Variants in DPP10 observed in about 807,000 individuals in gnomAD.
DPP10 encodes the protein inactive dipeptidyl peptidase 10.
In DPP10, 33 loss-of-function variants were observed where a neutral mutation model predicts 120.9. That is an observed-to-expected ratio of 0.27 (90% confidence interval 0.21 to 0.37). The LOEUF (loss-of-function observed/expected upper bound fraction) is 0.37. DPP10 is among the 10% of genes least tolerant of loss of function. DPP10 has a pLI of 1.00. For missense variants in DPP10, 816 were observed against 942.8 expected (o/e 0.87, Z 1.76); for synonymous variants, 337 against 326.1 (o/e 1.03, Z -0.36).
chr2:115,113,189 T>C (rs2049320136), intron 1 of DPP10, among the ~76,000 whole-genome samples: 1 of 151,116 alleles, frequency 6.6e-6, no homozygotes, highest in Non-Finnish European at 1.5e-5. Flanking sequence ...ACATACAATA[T>C]ATGCTGTATT....
chr2:115,621,308 T>A (rs1285890135), intron 5 of DPP10, among the ~76,000 whole-genome samples: 1 of 152,230 alleles, frequency 6.6e-6, no homozygotes, highest in South Asian at 2.1e-4. Flanking sequence ...ATCCTTCTAT[T>A]ATAAAATATT....
intron 3 of DPP10, among the ~76,000 whole-genome samples, chr2:115,478,742 G>A (rs2075247450): frequency 6.6e-6 from 1 of 151,922 alleles, no homozygotes; most frequent in Admixed American, 6.6e-5. Flanking sequence ...ATAGACAAAG[G>A]AGTTACATGA....
intron 1 of DPP10, among the ~76,000 whole-genome samples, chr2:114,737,989 G>T (rs1238251263): frequency 6.6e-6 from 1 of 152,210 alleles, no homozygotes; most frequent in African/African-American, 2.4e-5. Flanking sequence ...AAGTATGGCT[G>T]GGAAGCCTTA....
At chr2:115,601,569 G>A (rs1042981143) in intron 5 of DPP10, among the ~76,000 whole-genome samples, 8 of 152,120 alleles carry the variant, frequency 5.3e-5, no homozygotes, top group Non-Finnish European at 1.2e-4. Context: ...CCCTATTAAA[G>A]ACTAATCTTT....
At chr2:114,516,558 T>C (rs1288521122) in intron 1 of DPP10, among the ~76,000 whole-genome samples, 1 of 152,250 alleles carries the variant, frequency 6.6e-6, no homozygotes, top group African/African-American at 2.4e-5. Context: ...GGAAAATATG[T>C]CTACTAGGAG....
chr2:115,603,379 A>G (rs946181200), intron 5 of DPP10, among the ~76,000 whole-genome samples: 9 of 120,210 alleles, frequency 7.5e-5, no homozygotes, highest in African/African-American at 2.6e-4. Flanking sequence ...TCTAGTCTTC[A>G]TGACAGTGGC....
At chr2:115,396,139 G>T (rs1472238575) in intron 3 of DPP10, among the ~76,000 whole-genome samples, 1 of 152,170 alleles carries the variant, frequency 6.6e-6, no homozygotes, top group Admixed American at 6.5e-5. Flanking sequence ...CATGAGGATG[G>T]CTGCACATCT....
rs181656312 is a variant in DPP10 at position 115,793,650 on chromosome 2, C to T, written c.1700+2294C>T. Among the ~76,000 whole-genome samples, 350 of 151,948 alleles carry T rather than the reference C, an allele frequency of 2.3e-3. 2 individuals carry two copies. The highest frequency in any genetic ancestry group is 7.1e-3 in the Admixed American group (108 of 15,248). ...AAATAGATAAAATAGTGCCGTCAGA[C>T]CCATGGAATTTACTTTGCTACTTTT... On this transcript the variant is annotated intron_variant, in intron 19 of 25. Transcript: ENST00000410059.
At chr2:115,018,358 G>T (rs1702822236) in intron 1 of DPP10, among the ~76,000 whole-genome samples, 2 of 152,108 alleles carry the variant, frequency 1.3e-5, no homozygotes, top group Non-Finnish European at 2.9e-5. Context: ...CCATTACTGG[G>T]TATATACCCA....
At chr2:114,660,272 G>A (rs576041645) in intron 1 of DPP10, among the ~76,000 whole-genome samples, 5 of 152,250 alleles carry the variant, frequency 3.3e-5, no homozygotes, top group Non-Finnish European at 7.4e-5. Context: ...TTTACAGGAT[G>A]CATATATTAG....
chr2:115,631,139 G>A lies in DPP10; in HGVS notation c.442-58548G>A, dbSNP rs145217376. ...TATTCAAGGATTCAACTTCTTCCTC[G>A]TTCAGTCTTGGGAGGGTGTATGTGT... On this transcript the variant is annotated intron_variant, in intron 5 of 25. Transcript: ENST00000410059. Among the ~76,000 whole-genome samples the A allele has an allele frequency of 1.1e-4, 16 of 146,120 alleles. No individual in the cohort carries two copies. The East Asian group carries it at 1.2e-3, about 11-fold the overall frequency.
chr2:115,150,706 C>T (rs2051491261), intron 1 of DPP10, among the ~76,000 whole-genome samples: 1 of 152,168 alleles, frequency 6.6e-6, no homozygotes. Flanking sequence ...GGAATGTTCG[C>T]AGTGGCTCTT....
At chr2:114,502,209 T>C (rs1482012461) in intron 1 of DPP10, among the ~76,000 whole-genome samples, 1 of 152,168 alleles carries the variant, frequency 6.6e-6, no homozygotes, top group Non-Finnish European at 1.5e-5. Context: ...TGCCTTGGCC[T>C]CCCAAAGTGC....
intron 4 of DPP10, among the ~76,000 whole-genome samples, chr2:115,522,137 G>A (rs548798526): frequency 6.6e-6 from 1 of 152,178 alleles, no homozygotes; most frequent in East Asian, 1.9e-4. Flanking sequence ...TGGAAAACTA[G>A]CAATACTGTG....
chr2:115,181,565 A>G (rs2054081159), intron 1 of DPP10, among the ~76,000 whole-genome samples: 1 of 152,122 alleles, frequency 6.6e-6, no homozygotes, highest in South Asian at 2.1e-4. Flanking sequence ...TCTTACCAGG[A>G]AGTTGCCTTC....
At chr2:114,908,707 T>C (rs1437619538) in intron 1 of DPP10, among the ~76,000 whole-genome samples, 2 of 151,874 alleles carry the variant, frequency 1.3e-5, no homozygotes, top group African/African-American at 4.8e-5. Flanking sequence ...GGAATGAATA[T>C]TAAATTTTAC....
At chr2:114,522,253 G>A (rs1685133061) in intron 1 of DPP10, among the ~76,000 whole-genome samples, 1 of 151,920 alleles carries the variant, frequency 6.6e-6, no homozygotes, top group African/African-American at 2.4e-5. Context: ...CAAAGTGCTG[G>A]GATTACAGGC....
At chr2:115,134,437 A>G (rs900288471) in intron 1 of DPP10, among the ~76,000 whole-genome samples, 1 of 152,226 alleles carries the variant, frequency 6.6e-6, no homozygotes, top group African/African-American at 2.4e-5. Flanking sequence ...TATTCAAAAC[A>G]ATCATATGAA....
At chr2:115,012,852 G>T (rs1013267259) in intron 1 of DPP10, among the ~76,000 whole-genome samples, 1 of 152,114 alleles carries the variant, frequency 6.6e-6, no homozygotes, top group African/African-American at 2.4e-5. Flanking sequence ...AAGAATTCAG[G>T]TCAATTATTA....
Sources: allele counts gnomAD v4.1 joint callset (sites outside exome capture counted in the v4.1 genomes callset), GRCh38; gene constraint gnomAD v4.1.1; transcripts MANE v1.5; gene names NCBI Gene and HGNC (gene_info 2026-07-23, HGNC 2026-07-21).